The following CWH43 variants were observed in gnomAD, a reference collection of about 807,000 sequenced individuals.
CWH43 encodes the protein cell wall biogenesis 43 C-terminal homolog.
A neutral mutation model predicts 85.7 loss-of-function variants in CWH43; 91 were observed. The observed-to-expected ratio is 1.06, with a 90% CI of 0.90 to 1.26. The LOEUF is 1.26. CWH43 is among the 50% of genes most tolerant of loss of function. The pLI is 0.00. For missense variants in CWH43, 869 were observed against 839.2 expected (o/e 1.04, Z -0.44); for synonymous variants, 323 against 293.6 (o/e 1.10, Z -1.02).
At chr4:49,040,674 T>G (rs1322917227) in intron 13 of CWH43, among the ~76,000 whole-genome samples, 1 of 152,216 alleles carries the variant, frequency 6.6e-6, no homozygotes, top group African/African-American at 2.4e-5. Context: ...TTTTGAAAAT[T>G]TTCTCCCATT....
intron 10 of CWH43, among the ~76,000 whole-genome samples, chr4:49,029,965 G>A (rs1484029357): frequency 1.3e-5 from 2 of 152,160 alleles, no homozygotes; most frequent in East Asian, 3.9e-4. Flanking sequence ...CAGGTCCTCT[G>A]TATGCTGAGC....
chr4:49,000,445 G>A (rs1782955623), intron 6 of CWH43, among the ~76,000 whole-genome samples: 1 of 152,154 alleles, frequency 6.6e-6, no homozygotes, highest in South Asian at 2.1e-4. Context: ...GTACCTAAGA[G>A]TAATCTTTCT....
chr4:49,057,481 A>G (rs1452479896), intron 15 of CWH43, among the ~76,000 whole-genome samples: 4 of 152,234 alleles, frequency 2.6e-5, no homozygotes, highest in African/African-American at 9.6e-5. Context: ...AATGGGAGGC[A>G]GGTTTGCCCT....
intron 14 of CWH43, among the ~76,000 whole-genome samples, chr4:49,047,279 C>T (rs1299960956): frequency 6.6e-6 from 1 of 152,148 alleles, no homozygotes; most frequent in Non-Finnish European, 1.5e-5. Context: ...CTCCATTTGC[C>T]ATTCAACAAG....
chr4:49,008,997 T>C (rs1419366906), intron 8 of CWH43, among the ~76,000 whole-genome samples: 1 of 152,206 alleles, frequency 6.6e-6, no homozygotes, highest in Non-Finnish European at 1.5e-5. Flanking sequence ...AGTAGTTTTT[T>C]CCAATTCTGT....
intron 3 of CWH43, 103 bp from the exon 4 acceptor site, chr4:48,991,833 A>G (rs1373130337): frequency 4.7e-6 from 5 of 1,053,086 alleles, no homozygotes; most frequent in South Asian, 3.2e-5. Flanking sequence ...CAAATTACCA[A>G]TAAGACTATT....
chr4:49,027,276 ATGT>A (rs1228101618), intron 9 of CWH43, among the ~76,000 whole-genome samples: 2 of 152,170 alleles, frequency 1.3e-5, no homozygotes, highest in African/African-American at 2.4e-5. Flanking sequence ...GAGAGGGTAG[ATGT>A]TGTTGGGTGA....
At chr4:49,041,770 T>C (rs542682836) in intron 13 of CWH43, among the ~76,000 whole-genome samples, 33 of 152,270 alleles carry the variant, frequency 2.2e-4, no homozygotes, top group Non-Finnish European at 4.3e-4. Context: ...GCCTTTAAGT[T>C]CTAGTTAGCA....
chr4:49,013,740 C>T (rs1783443249), intron 8 of CWH43, among the ~76,000 whole-genome samples: 1 of 152,122 alleles, frequency 6.6e-6, no homozygotes, highest in Non-Finnish European at 1.5e-5. Flanking sequence ...ATTCAACATG[C>T]AGAATTTCCA....
intron 13 of CWH43, among the ~76,000 whole-genome samples, chr4:49,044,307 A>G (rs907903346): frequency 4.6e-5 from 7 of 152,214 alleles, no homozygotes; most frequent in African/African-American, 1.2e-4. Flanking sequence ...GCTCAATGCC[A>G]GGTTTTATGC....
At chr4:49,017,219 A>T (rs371610302) in intron 8 of CWH43, 30 bp from the exon 9 acceptor site, 1 of 1,569,376 alleles carries the variant, frequency 6.4e-7, no homozygotes, top group East Asian at 2.3e-5. Context: ...TTATTTTAAA[A>T]AAACCCAATT....
intron 10 of CWH43, 131 bp downstream of exon 10, chr4:49,028,865 C>G (rs1784003197): frequency 1.6e-6 from 1 of 610,286 alleles, no homozygotes; most frequent in Admixed American, 3.1e-5. Context: ...ATCATAAACT[C>G]ACCTCAAAAA....
At chr4:49,043,420 G>GT (rs933431500) in intron 13 of CWH43, among the ~76,000 whole-genome samples, 7 of 152,208 alleles carry the variant, frequency 4.6e-5, no homozygotes, top group African/African-American at 1.7e-4. Context: ...TGTGAGGGAT[G>GT]TACATGGTAT....
intron 6 of CWH43, 87 bp from the exon 7 acceptor site, chr4:49,003,648 G>C: frequency 1.5e-6 from 2 of 1,326,018 alleles, no homozygotes. Context: ...ATACCCCTAA[G>C]GTCTGTTCTG....
chr4:49,003,973 A>C lies in CWH43; in HGVS notation c.1041A>C (p.Glu347Asp). The C allele has an allele frequency of 1.2e-6, 2 of 1,611,986 alleles. No homozygotes were observed. The highest frequency in any genetic ancestry group is 1.7e-6 in the Non-Finnish European group (2 of 1,179,614). ...KFVPGGVYARERSDVLLGTMM... is the reference protein window; with the variant it reads ...KFVPGGVYARDRSDVLLGTMM... Reference sequence around the variant, plus strand: ...TCCCAGGAGGTGTCTACGCTAGAGAAAGATCAGATGTGCTTTTGGGTGAGT... The same window carrying C: ...TCCCAGGAGGTGTCTACGCTAGAGACAGATCAGATGTGCTTTTGGGTGAGT... Residue 347 changes from glutamate (E) to aspartate (D), a missense_variant, in exon 7 of 16, where the codon GAA (glutamate) becomes GAC (aspartate). This residue lies in a region of CWH43 where 577 missense variants were observed against 513.1 expected (regional missense o/e 1.12). Coordinates refer to ENST00000226432, the MANE Select transcript of CWH43 (RefSeq NM_025087.3).
rs775876658 is a variant in CWH43 at position 49,000,257 on chromosome 4, C to T, written c.802+1709C>T. ...GTGAATTTCTGTACACCGTAAGTGC[C>T]GTCACATTTGCATGGAAATGTATGT... On this transcript the variant is annotated intron_variant, in intron 6 of 15. Coordinates refer to ENST00000226432, the MANE Select transcript of CWH43 (RefSeq NM_025087.3). Among the ~76,000 whole-genome samples the T allele has an allele frequency of 4.6e-5, 7 of 152,158 alleles. 1 individual carries two copies. The highest frequency in any genetic ancestry group is 2.1e-4 in the South Asian group (1 of 4,804).
intron 1 of CWH43, among the ~76,000 whole-genome samples, chr4:48,987,236 T>C (rs1782524085): frequency 6.6e-6 from 1 of 152,146 alleles, no homozygotes; most frequent in Non-Finnish European, 1.5e-5. Context: ...TATTTTTTTC[T>C]GGCTCAGCCT....
intron 9 of CWH43, among the ~76,000 whole-genome samples, chr4:49,020,578 G>A (rs1239198714): frequency 4.6e-5 from 7 of 152,150 alleles, no homozygotes; most frequent in African/African-American, 1.7e-4. Context: ...ATACCCAGGA[G>A]TGTGATTGCT....
chr4:48,998,938 A>G (rs957788681), intron 6 of CWH43, among the ~76,000 whole-genome samples: 19 of 152,148 alleles, frequency 1.2e-4, no homozygotes, highest in African/African-American at 4.6e-4. Flanking sequence ...AGATTGACTG[A>G]TTGATAACTT....
Sources: gnomAD v4.1 joint callset for allele counts (sites outside exome capture counted in the v4.1 genomes callset) on GRCh38, gnomAD v4.1.1 for gene constraint, gnomAD v4.1.1 regional missense constraint, MANE v1.5 for transcripts, NCBI Gene and HGNC (gene_info 2026-07-23, HGNC 2026-07-21) for gene names.